Variants in HEATR1 observed in about 807,000 individuals in gnomAD.
The protein encoded by HEATR1 is HEAT repeat containing 1.
HEATR1 carries 77 observed loss-of-function variants against 248.2 expected under a neutral mutation model. The observed-to-expected ratio is 0.31, with a 90% confidence interval of 0.26 to 0.37. The LOEUF (loss-of-function observed/expected upper bound fraction) is 0.37, where lower values mean the gene tolerates loss of function less well. HEATR1 is among the 10% of genes least tolerant of loss of function. The probability of loss-of-function intolerance (pLI) is 1.00; values close to 1 mark genes in which losing one functional copy is unlikely to be tolerated. For missense variants in HEATR1, 2,420 were observed against 2,504.9 expected (o/e 0.97, Z 0.72); for synonymous variants, 897 against 923.1 (o/e 0.97, Z 0.51).
chr1:236,592,261 A>G (rs1664057810), intron 10 of HEATR1, 151 bp from the exon 11 acceptor site: 1 of 563,044 alleles, frequency 1.8e-6, no homozygotes. Context: ...ACCAAATGAC[A>G]TTGGTCAAGT....
chr1:236,549,100 A>G lies in HEATR1; in HGVS notation c.*1802T>C. 2 of 397,980 alleles carry G rather than the reference A, an allele frequency of 5.0e-6. No individual in the cohort carries two copies. Among genetic ancestry groups the G allele is most frequent in the Non-Finnish European group, 8.9e-6 (2 of 225,750 alleles). 24.7% of individuals were successfully genotyped at this position (397,980 alleles called of 1,614,324 possible). The stretch of plus-strand genomic sequence containing the variant: ...CACTATCAGAAAGTGTACGCCAACT[A>G]AGGGACCCACAAAGCAGGCAGAGGT... On this transcript the variant is annotated 3_prime_UTR_variant, in exon 45 of 45. Coordinates refer to ENST00000366582, the MANE Select transcript of HEATR1 (RefSeq NM_018072.6).
Position 236,586,364 on chromosome 1 carries a change from A to C in HEATR1, c.1804T>G (p.Cys602Gly). The C allele has an allele frequency of 6.2e-7, 1 of 1,613,002 alleles. No individual in the cohort carries two copies. Among genetic ancestry groups the C allele is most frequent in the Non-Finnish European group, 8.5e-7 (1 of 1,179,018 alleles). ...NDQLSNQVVVCLLPFMVINND... is the reference protein window; with the variant it reads ...NDQLSNQVVVGLLPFMVINND... Reference sequence around the variant, plus strand: ...TTGATAACCATAAATGGCAGCAAACATACAACCACCTGATTTGACAACTGA... The same window carrying C: ...TTGATAACCATAAATGGCAGCAAACCTACAACCACCTGATTTGACAACTGA... Residue 602 changes from cysteine to glycine, a missense_variant, in exon 15 of 45, where the codon TGT (cysteine) becomes GGT (glycine). Physicochemically the swap from Cys to Gly is radical, Grantham distance 159. Coordinates refer to ENST00000366582, the MANE Select transcript of HEATR1 (RefSeq NM_018072.6).
In HEATR1 at chr1:236,572,547, G is replaced by C. The variant is rs765021255; in HGVS notation, c.3571C>G (p.Gln1191Glu). 1.2e-6 allele frequency: 2 copies of C among 1,613,612 alleles called. No homozygotes were observed. The highest frequency in any genetic ancestry group is 2.2e-5 in the South Asian group (2 of 90,996). ...ACTTCCTGAACAGATTCTAGATCTT[G>C]TGATTTTCTGGAAAATGGAGAAGAC... ...RRQKMQQKKSQDLESVQEVGG... is the reference protein window; with the variant it reads ...RRQKMQQKKSEDLESVQEVGG... Residue 1191 changes from glutamine to glutamate, a missense_variant, in exon 26 of 45, where the codon CAA becomes GAA. Physicochemically the swap from Gln to Glu is conservative, Grantham distance 29. Coordinates refer to ENST00000366582, the MANE Select transcript of HEATR1 (RefSeq NM_018072.6).
intron 18 of HEATR1, 62 bp downstream of exon 18, chr1:236,582,951 T>G (rs1000738462): frequency 6.2e-7 from 1 of 1,604,368 alleles, no homozygotes; most frequent in Non-Finnish European, 8.5e-7. Context: ...ACAGTCATTG[T>G]GGAGTCAATC....
intron 31 of HEATR1, 78 bp downstream of exon 31, chr1:236,565,841 C>A: frequency 7.4e-7 from 1 of 1,359,292 alleles, no homozygotes; most frequent in South Asian, 1.4e-5. Flanking sequence ...TGAAGATGTA[C>A]TAAGGATAAC....
Position 236,595,873 on chromosome 1 carries a change from C to T in HEATR1, c.916G>A (p.Val306Met). Residue 306 changes from valine to methionine, a missense_variant, in exon 7 of 45, where the codon GTG becomes ATG. By Grantham distance (21) the Val-to-Met change is conservative. Transcript: ENST00000366582. ...TCTGGCTTCTGTCTCTGCAGGAGCACTATCAAGCAACTTAACCCATCCTTG... is the reference window on the plus strand; with the variant it reads ...TCTGGCTTCTGTCTCTGCAGGAGCATTATCAAGCAACTTAACCCATCCTTG... ...LIKDGLSCLI[V>M]LLQRQKPESL... The T allele has an allele frequency of 6.2e-7, 1 of 1,614,040 alleles. No homozygotes were observed. The highest frequency in any genetic ancestry group is 1.1e-5 in the South Asian group (1 of 91,078).
In HEATR1 at chr1:236,558,360, T is replaced by C. The variant is rs2275689; in HGVS notation, c.5081A>G (p.Asn1694Ser). The change falls in exon 36 of 45, where the codon AAC becomes AGC. Residue 1694 changes from asparagine (N) to serine (S), a missense_variant. Transcript: ENST00000366582. ...TGGAGCAATCAGTTTCACAGCAGTG[T>C]TCAGCACTGGGACAAAAGGATCTGG... is the stretch of plus-strand genomic sequence containing the variant. The part of the protein sequence containing the change: ...ENPDPFVPVL[N>S]TAVKLIAPER... 1,196,772 of 1,613,806 alleles carry C rather than the reference T, an allele frequency of 0.74. 446,104 individuals carry two copies. Among genetic ancestry groups the C allele is most frequent in the Admixed American group, 0.78 (46,666 of 60,028 alleles).
At chr1:236,580,345 CAT>C (rs1663679951) in intron 20 of HEATR1, among the ~76,000 whole-genome samples, 1 of 152,150 alleles carries the variant, frequency 6.6e-6, no homozygotes, top group Non-Finnish European at 1.5e-5. Context: ...ATCTGACTTC[CAT>C]ATCTAACCCA....
chr1:236,602,916 C>CT (rs1664363621), intron 3 of HEATR1: 2 of 418,770 alleles, frequency 4.8e-6, no homozygotes, highest in Non-Finnish European at 8.7e-6. Flanking sequence ...CAGCAAGACT[C>CT]TATCTCAAAA....
chr1:236,593,951 T>C, intron 9 of HEATR1, 61 bp downstream of exon 9: 1 of 1,140,426 alleles, frequency 8.8e-7, no homozygotes, highest in Non-Finnish European at 1.3e-6. Context: ...CTAACCAATC[T>C]TGAAAATTAT....
At chr1:236,551,338 A>T (rs1470120819) in intron 44 of HEATR1, 1 of 228,090 alleles carries the variant, frequency 4.4e-6, no homozygotes, top group African/African-American at 2.3e-5. Flanking sequence ...GAATCAGTAA[A>T]GGACTGATCT....
Position 236,559,176 on chromosome 1 carries a change from A to G in HEATR1, c.4771-41T>C, listed in dbSNP as rs568883567. 2.7e-5 allele frequency: 40 copies of G among 1,504,384 alleles called. No individual in the cohort carries two copies. The South Asian group carries it at 4.5e-4, about 17-fold the overall frequency. 93.2% of individuals were successfully genotyped at this position (1,504,384 alleles called of 1,614,324 possible). On this transcript the variant is annotated intron_variant, in intron 34 of 44. Transcript: ENST00000366582. ...ATATTTAACATGAAAAGAAAAACAA[A>G]TTAAAAAAAAAACCAACTTCAATTA...
At chr1:236,570,027 G>A (rs1181328817) in intron 28 of HEATR1, among the ~76,000 whole-genome samples, 3 of 152,172 alleles carry the variant, frequency 2.0e-5, no homozygotes, top group Non-Finnish European at 4.4e-5. Flanking sequence ...GGTGGCTCAC[G>A]CCTGTAGTTC....
intron 3 of HEATR1, among the ~76,000 whole-genome samples, chr1:236,599,912 G>A (rs1347655168): frequency 2.6e-5 from 4 of 151,696 alleles, no homozygotes; most frequent in Non-Finnish European, 5.9e-5. Flanking sequence ...TTAATTTTTT[G>A]AATAGAGTCT....
Position 236,583,135 on chromosome 1 carries a change from C to A in HEATR1, c.2303G>T (p.Trp768Leu). 2 of 1,614,032 alleles carry A rather than the reference C, an allele frequency of 1.2e-6. No individual in the cohort carries two copies. Among genetic ancestry groups the A allele is most frequent in the Non-Finnish European group, 1.7e-6 (2 of 1,179,924 alleles). Residue 768 changes from tryptophan to leucine, a missense_variant, in exon 18 of 45, where the codon TGG becomes TTG. Coordinates refer to ENST00000366582, the MANE Select transcript of HEATR1 (RefSeq NM_018072.6). The part of the protein sequence containing the change: ...MLDRGIPVEL[W>L]AHYVEELNST... ...GTTGAGCTCTTCTACATAATGTGCC[C>A]ACAGCTCCACTGGGATCCCTCTGTC...
intron 41 of HEATR1, 130 bp downstream of exon 41, chr1:236,555,166 A>C: frequency 1.1e-6 from 1 of 916,546 alleles, no homozygotes; most frequent in South Asian, 1.7e-5. Flanking sequence ...GAAGTAAAAA[A>C]TTCACCCTCC....
chr1:236,588,929 A>G (rs187237827), intron 12 of HEATR1, among the ~76,000 whole-genome samples: 2 of 152,306 alleles, frequency 1.3e-5, no homozygotes, highest in East Asian at 3.9e-4. Context: ...TGGATAACAT[A>G]GCAAGACCCC....
intron 4 of HEATR1, among the ~76,000 whole-genome samples, chr1:236,598,496 T>A (rs937828939): frequency 6.6e-6 from 1 of 152,180 alleles, no homozygotes; most frequent in African/African-American, 2.4e-5. Flanking sequence ...TTTGGCTACC[T>A]GCAATAAGAG....
intron 34 of HEATR1, 53 bp from the exon 35 acceptor site, chr1:236,559,188 A>C: frequency 2.1e-6 from 3 of 1,439,386 alleles, no homozygotes; most frequent in South Asian, 2.8e-5. Context: ...TAAAAAAAAA[A>C]CCAACTTCAA....
Sources: allele counts gnomAD v4.1 joint callset (sites outside exome capture counted in the v4.1 genomes callset), GRCh38; gene constraint gnomAD v4.1.1; transcripts MANE v1.5; gene names NCBI Gene and HGNC (gene_info 2026-07-23, HGNC 2026-07-21).